Variants in CRTC3 observed in about 807,000 individuals in gnomAD.
The protein encoded by CRTC3 is CREB-regulated transcription coactivator 3.
Under a neutral mutation model 74.5 loss-of-function variants are expected in CRTC3, and 26 were observed. That is an observed-to-expected ratio of 0.35 (90% confidence interval 0.26 to 0.48). The LOEUF (loss-of-function observed/expected upper bound fraction) is 0.48. Ranked by LOEUF, CRTC3 falls within the 20% of genes least tolerant of loss-of-function variation. The pLI is 0.99. For missense variants in CRTC3, 760 were observed against 787.3 expected (o/e 0.97, Z 0.41); for synonymous variants, 377 against 325.8 (o/e 1.16, Z -1.69).
chr15:90,603,005 A>G (rs1167627530), intron 4 of CRTC3, among the ~76,000 whole-genome samples: 1 of 151,984 alleles, frequency 6.6e-6, no homozygotes, highest in African/African-American at 2.4e-5. Flanking sequence ...AGCATTTCCA[A>G]TGATAGGCTA....
intron 2 of CRTC3, among the ~76,000 whole-genome samples, chr15:90,586,325 A>C (rs1309206746): frequency 7.0e-6 from 1 of 143,354 alleles, no homozygotes; most frequent in Admixed American, 6.9e-5. Flanking sequence ...GGTTTTCTGC[A>C]TGTTTTTAAT....
In CRTC3 at chr15:90,641,251, C is replaced by T. The variant is rs77279390; in HGVS notation, c.1651+52C>T. 4.4e-3 allele frequency: 5,211 copies of T among 1,185,126 alleles called. 191 individuals are homozygous for T. The African/African-American group carries it at 0.07, about 16-fold the overall frequency. 73.4% of individuals were successfully genotyped at this position (1,185,126 alleles called of 1,614,324 possible). Reference sequence around the variant, plus strand: ...TACTGCTTTTATGTTGTTGTGTGTTCAGGAACCTTCATAAGAGAGTTTAAA... The same window carrying T: ...TACTGCTTTTATGTTGTTGTGTGTTTAGGAACCTTCATAAGAGAGTTTAAA... On this transcript the variant is annotated intron_variant, in intron 14 of 14. Transcript: ENST00000268184.
chr15:90,629,087 A>G, intron 10 of CRTC3, 147 bp from the exon 11 acceptor site: 9 of 685,796 alleles, frequency 1.3e-5, no homozygotes, highest in Non-Finnish European at 2.2e-5. Context: ...GGTGCATCGG[A>G]TGCAGTCCCT....
In CRTC3 at chr15:90,623,739, G is replaced by A. The variant is rs989114406; in HGVS notation, c.750-2037G>A. Among the ~76,000 whole-genome samples, 6 of 152,042 alleles carry A rather than the reference G, an allele frequency of 3.9e-5. No homozygotes were observed. The East Asian group carries it at 1.2e-3, about 29-fold the overall frequency. ...CCACCCCGCGTCCAGCCTTCCACTG[G>A]CGTCGTGTCAGCCTCTCATCAGTCC... On this transcript the variant is annotated intron_variant, in intron 9 of 14. Coordinates refer to ENST00000268184, the MANE Select transcript of CRTC3 (RefSeq NM_022769.5).
At chr15:90,554,110 A>G (rs987699966) in intron 2 of CRTC3, among the ~76,000 whole-genome samples, 12 of 152,164 alleles carry the variant, frequency 7.9e-5, no homozygotes, top group Admixed American at 6.5e-4. Flanking sequence ...TCTAATGCCA[A>G]TATCAGAGTT....
rs546861688 is a variant in CRTC3 at position 90,642,980 on chromosome 15, G to A, written c.*840G>A. On this transcript the variant is annotated 3_prime_UTR_variant, in exon 15 of 15. Coordinates refer to ENST00000268184, the MANE Select transcript of CRTC3 (RefSeq NM_022769.5). ...AGACAAGCACAGACCTCCCCACTAA[G>A]AGCAGCCAGAGGGAGCTGGTGAGGC... is the stretch of plus-strand genomic sequence containing the variant. The A allele has an allele frequency of 1.3e-5, 3 of 232,638 alleles. No homozygotes were observed. The Admixed American group carries it at 1.7e-4, about 13-fold the overall frequency. 14.4% of individuals were successfully genotyped at this position (232,638 alleles called of 1,614,324 possible).
intron 3 of CRTC3, among the ~76,000 whole-genome samples, chr15:90,601,709 A>G (rs1426716900): frequency 6.6e-6 from 1 of 152,124 alleles, no homozygotes; most frequent in East Asian, 1.9e-4. Flanking sequence ...AAGAAAATGT[A>G]TTGGCATATG....
At chr15:90,629,650 G>T in intron 11 of CRTC3, 118 bp downstream of exon 11, 3 of 939,998 alleles carry the variant, frequency 3.2e-6, no homozygotes, top group Non-Finnish European at 4.8e-6. Context: ...CACCCATGAG[G>T]TCTCAAGTGC....
rs767763787 is a variant in CRTC3, at chr15:90,642,110, T to G, written c.1830T>G (p.Val610=). 6.2e-7 allele frequency: 1 copy of G among 1,613,914 alleles called. No individual in the cohort carries two copies. Among genetic ancestry groups the G allele is most frequent in the African/African-American group, 1.3e-5 (1 of 74,920 alleles). The change falls in exon 15 of 15, where the codon GTT becomes GTG. Residue 610 remains valine, a synonymous_variant. Coordinates refer to ENST00000268184, the MANE Select transcript of CRTC3 (RefSeq NM_022769.5). ...DSSMGLLDPS[V]EETFRADRL ...GCATGGGCCTGCTGGACCCCTCTGT[T>G]GAAGAGACGTTTCGAGCTGACAGAC...
At chr15:90,592,080 G>A (rs1967813498) in intron 2 of CRTC3, among the ~76,000 whole-genome samples, 1 of 152,070 alleles carries the variant, frequency 6.6e-6, no homozygotes, top group South Asian at 2.1e-4. Context: ...AGTCCACTTG[G>A]GAGAAATAGG....
At chr15:90,568,917 G>A (rs1967188694) in intron 2 of CRTC3, among the ~76,000 whole-genome samples, 1 of 152,054 alleles carries the variant, frequency 6.6e-6, no homozygotes, top group South Asian at 2.1e-4. Flanking sequence ...TTAAATTAAA[G>A]TGTATATATT....
chr15:90,602,276 G>C, intron 3 of CRTC3, 48 bp from the exon 4 acceptor site: 1 of 1,152,234 alleles, frequency 8.7e-7, no homozygotes, highest in Non-Finnish European at 1.3e-6. Context: ...TGTTAATTCT[G>C]CTTCATCTTT....
chr15:90,533,008 C>G (rs1306430529), intron 1 of CRTC3, among the ~76,000 whole-genome samples: 2 of 126,662 alleles, frequency 1.6e-5, no homozygotes, highest in Non-Finnish European at 3.2e-5. Context: ...TCGCTCGAAC[C>G]CAGGAGGTGG....
intron 2 of CRTC3, among the ~76,000 whole-genome samples, chr15:90,572,161 CA>C (rs56906718): frequency 0.13 from 15,954 of 124,062 alleles, 1,182 homozygotes; most frequent in African/African-American, 0.28. Flanking sequence ...GATTCTTTCT[CA>C]AAAAAAAAAA....
intron 9 of CRTC3, among the ~76,000 whole-genome samples, chr15:90,622,392 G>A (rs374305027): frequency 3.8e-4 from 58 of 152,174 alleles, no homozygotes; most frequent in East Asian, 2.3e-3. Flanking sequence ...TCTCCCTGCC[G>A]CGCCCCTGCT....
chr15:90,560,853 G>T (rs1045181253), intron 2 of CRTC3, among the ~76,000 whole-genome samples: 3 of 152,176 alleles, frequency 2.0e-5, no homozygotes, highest in Non-Finnish European at 4.4e-5. Context: ...CTTGTAAGCC[G>T]CTTGGGGGGT....
At chr15:90,635,084 A>G in intron 11 of CRTC3, 2 of 749,500 alleles carry the variant, frequency 2.7e-6, no homozygotes, top group Non-Finnish European at 4.8e-6. Context: ...ATTCCACTGA[A>G]GTTCTGAAAT....
intron 5 of CRTC3, among the ~76,000 whole-genome samples, chr15:90,606,210 G>T (rs1567181784): frequency 6.6e-6 from 1 of 151,922 alleles, no homozygotes; most frequent in African/African-American, 2.4e-5. Flanking sequence ...GAACACCACT[G>T]TACTGCAGCC....
intron 11 of CRTC3, among the ~76,000 whole-genome samples, chr15:90,633,412 A>G (rs1186438026): frequency 1.3e-5 from 2 of 152,196 alleles, no homozygotes; most frequent in Non-Finnish European, 2.9e-5. Context: ...TTGGCTGAAT[A>G]TAGAATTCTA....
Sources: gnomAD v4.1 joint callset for allele counts (sites outside exome capture counted in the v4.1 genomes callset) on GRCh38, gnomAD v4.1.1 for gene constraint, MANE v1.5 for transcripts, NCBI Gene and HGNC (gene_info 2026-07-23, HGNC 2026-07-21) for gene names.